Variants in CPED1 observed in about 807,000 individuals in gnomAD.
The protein encoded by CPED1 is cadherin like and PC-esterase domain containing 1.
CPED1 carries 114 observed loss-of-function variants against 128.2 expected under a neutral mutation model. That is an observed-to-expected ratio of 0.89 (90% CI 0.76 to 1.04). The LOEUF is 1.04. CPED1 is among the 50% of genes least tolerant of loss of function. The pLI, the probability that CPED1 is intolerant of heterozygous loss-of-function variation, is 0.00. For missense variants in CPED1, 1,211 were observed against 1,207.1 expected (o/e 1.00, Z -0.05); for synonymous variants, 462 against 426.7 (o/e 1.08, Z -1.02).
chr7:121,001,480 C>T (rs1326143829), intron 2 of CPED1, among the ~76,000 whole-genome samples: 1 of 151,950 alleles, frequency 6.6e-6, no homozygotes, highest in African/African-American at 2.4e-5. Context: ...TCAGGTGGAG[C>T]AAGAAGCCTG....
intron 16 of CPED1, among the ~76,000 whole-genome samples, chr7:121,211,530 G>T (rs1042938598): frequency 2.4e-4 from 4 of 16,590 alleles, no homozygotes; most frequent in African/African-American, 5.0e-4. Context: ...GCTCAGTTCT[G>T]CTAGGCCAGG....
chr7:121,275,509 A>G (rs990058733), intron 22 of CPED1, among the ~76,000 whole-genome samples: 4 of 152,180 alleles, frequency 2.6e-5, no homozygotes, highest in Non-Finnish European at 1.5e-5. Flanking sequence ...AAAGAATACA[A>G]TAATGTTATC....
At chr7:120,992,904 G>A (rs1283141864) in intron 2 of CPED1, among the ~76,000 whole-genome samples, 6 of 152,150 alleles carry the variant, frequency 3.9e-5, no homozygotes, top group Non-Finnish European at 8.8e-5. Flanking sequence ...CATGGGATCT[G>A]GTTCAATGTG....
chr7:121,130,985 A>G (rs1284256953), intron 12 of CPED1, among the ~76,000 whole-genome samples: 1 of 152,050 alleles, frequency 6.6e-6, no homozygotes, highest in Admixed American at 6.6e-5. Flanking sequence ...CTTCTCTTTT[A>G]TATGGATGGA....
chr7:121,113,947 G>C (rs1039360146), intron 7 of CPED1, among the ~76,000 whole-genome samples: 1 of 151,998 alleles, frequency 6.6e-6, no homozygotes, highest in African/African-American at 2.4e-5. Context: ...TCTTGCCTCA[G>C]CCTCCTGAGT....
At chr7:121,064,074 C>T (rs1039739489) in intron 4 of CPED1, among the ~76,000 whole-genome samples, 164 bp from the exon 5 acceptor site, 9 of 152,132 alleles carry the variant, frequency 5.9e-5, no homozygotes, top group Non-Finnish European at 1.2e-4. Context: ...TAAGCTACTT[C>T]ATTATTCTGG....
chr7:121,159,768 G>GCA (rs1464114658), intron 16 of CPED1, among the ~76,000 whole-genome samples: 1 of 152,044 alleles, frequency 6.6e-6, no homozygotes. Context: ...ACACATACAT[G>GCA]CACACACATG....
At chr7:121,052,367 C>G (rs376286646) in intron 4 of CPED1, among the ~76,000 whole-genome samples, 1 of 152,190 alleles carries the variant, frequency 6.6e-6, no homozygotes, top group African/African-American at 2.4e-5. Flanking sequence ...CGAAGTCACA[C>G]GAAAACTCTT....
At chr7:121,158,566 C>CTTT (rs78966935) in intron 16 of CPED1, among the ~76,000 whole-genome samples, 1 of 143,498 alleles carries the variant, frequency 7.0e-6, no homozygotes. Context: ...TATTAATCAT[C>CTTT]TTTTTTTTTT....
In CPED1 at chr7:121,271,431, G is replaced by T. The variant is rs1792227019; in HGVS notation, c.2868+1G>T. On this transcript the variant is annotated splice_donor_variant, in intron 22 of 22. Transcript: ENST00000310396. LOFTEE classifies it high-confidence loss of function. Reference sequence around the variant, plus strand: ...GAAGTGTGGATGTCATTTCCATGAGGTATTTATGCTGGCTATCTGAGTTTT... The same window carrying T: ...GAAGTGTGGATGTCATTTCCATGAGTTATTTATGCTGGCTATCTGAGTTTT... 1 of 1,610,782 alleles carries T rather than the reference G, an allele frequency of 6.2e-7. No homozygotes were observed.
chr7:121,069,681 T>TG lies in CPED1; in HGVS notation c.616+5369dup, dbSNP rs1271067669. Among the ~76,000 whole-genome samples the TG allele has an allele frequency of 2.0e-5, 3 of 152,050 alleles. No homozygotes were observed. In the East Asian group the frequency reaches 5.8e-4, roughly 29 times the overall value. On this transcript the variant is annotated intron_variant, in intron 5 of 22. Transcript: ENST00000310396. Reference sequence around the variant, plus strand: ...TCTTGCCATTTAATGCTTTGCCTTTTGAAAAAAAAGTGTCATACTTGTTAG... The same window carrying TG: ...TCTTGCCATTTAATGCTTTGCCTTTTGGAAAAAAAAGTGTCATACTTGTTAG...
At chr7:121,272,621 A>G (rs1381053508) in intron 22 of CPED1, among the ~76,000 whole-genome samples, 1 of 152,074 alleles carries the variant, frequency 6.6e-6, no homozygotes, top group Non-Finnish European at 1.5e-5. Context: ...CTACAGAAAT[A>G]TATATATTTG....
chr7:121,277,765 T>C (rs900696661), intron 22 of CPED1, among the ~76,000 whole-genome samples: 4 of 151,996 alleles, frequency 2.6e-5, no homozygotes, highest in Non-Finnish European at 4.4e-5. Flanking sequence ...GAAAAGAAAA[T>C]ACGTCATCCA....
At chr7:121,043,616 GTGC>G (rs1319399284) in intron 3 of CPED1, among the ~76,000 whole-genome samples, 2 of 152,134 alleles carry the variant, frequency 1.3e-5, no homozygotes, top group African/African-American at 4.8e-5. Context: ...CTAGGATGGT[GTGC>G]TGCTACCAGA....
At chr7:121,207,197 A>G (rs1263920128) in intron 16 of CPED1, among the ~76,000 whole-genome samples, 1 of 152,002 alleles carries the variant, frequency 6.6e-6, no homozygotes, top group East Asian at 1.9e-4. Flanking sequence ...AAATATTCCT[A>G]CAATGACCAT....
chr7:121,214,098 T>C (rs895263506), intron 16 of CPED1, among the ~76,000 whole-genome samples: 2 of 152,036 alleles, frequency 1.3e-5, no homozygotes, highest in African/African-American at 4.8e-5. Flanking sequence ...TTTGGAATTA[T>C]ATAATGTTTT....
chr7:121,233,807 T>G (rs1253272430), intron 16 of CPED1, among the ~76,000 whole-genome samples: 2 of 152,056 alleles, frequency 1.3e-5, no homozygotes, highest in African/African-American at 2.4e-5. Context: ...ATCTTACGTT[T>G]CTATAGTGGC....
rs151207794 is a variant in CPED1 at position 121,101,261 on chromosome 7, A to G, written c.918+1167A>G. On this transcript the variant is annotated intron_variant, in intron 7 of 22. Transcript: ENST00000310396. ...TTTGGTTTTTTTTTTCCTCAAAAAC[A>G]AAACAAAACTTTATCAAGACACTTA... is the stretch of plus-strand genomic sequence containing the variant. 4.4e-3 allele frequency among the ~76,000 whole-genome samples: 664 copies of G among 152,118 alleles called. 4 individuals carry two copies. The highest frequency in any genetic ancestry group is 7.6e-3 in the Non-Finnish European group (518 of 67,962).
intron 18 of CPED1, among the ~76,000 whole-genome samples, chr7:121,248,212 T>C (rs1428656141): frequency 1.5e-5 from 2 of 136,392 alleles, no homozygotes; most frequent in African/African-American, 2.6e-5. Context: ...CTAAGAGGGA[T>C]GACATGTGTG....
Sources: gnomAD v4.1 joint callset for allele counts (sites outside exome capture counted in the v4.1 genomes callset) on GRCh38, gnomAD v4.1.1 for gene constraint, MANE v1.5 for transcripts, NCBI Gene and HGNC (gene_info 2026-07-23, HGNC 2026-07-21) for gene names.